Variants in CTNNA1 observed in about 807,000 individuals in gnomAD.
The protein encoded by CTNNA1 is catenin alpha-1.
Under a neutral mutation model 98.4 loss-of-function variants are expected in CTNNA1, and 37 were observed. That is an observed-to-expected ratio of 0.38 (90% CI 0.29 to 0.49). The LOEUF (loss-of-function observed/expected upper bound fraction) is 0.49. Among genes scored for constraint, CTNNA1 ranks in the 20% least tolerant of loss-of-function variants. CTNNA1 has a pLI of 0.95. For synonymous variants in CTNNA1, 404 were observed against 413.2 expected (o/e 0.98, Z 0.27); for missense variants, 761 against 1,147.2 (o/e 0.66, Z 4.86).
At chr5:138,840,042 GCT>G (rs1762142598) in intron 7 of CTNNA1, among the ~76,000 whole-genome samples, 1 of 152,194 alleles carries the variant, frequency 6.6e-6, no homozygotes, top group African/African-American at 2.4e-5. Context: ...GTCATTAATA[GCT>G]GCCCCTCTAA....
At chr5:138,778,381 T>A (rs1754655909) in intron 1 of CTNNA1, among the ~76,000 whole-genome samples, 1 of 152,202 alleles carries the variant, frequency 6.6e-6, no homozygotes, top group East Asian at 1.9e-4. Flanking sequence ...TAGTTGAGGT[T>A]ATGTAATTTT....
At chr5:138,793,543 G>C (rs1254566506) in intron 3 of CTNNA1, among the ~76,000 whole-genome samples, 2 of 152,222 alleles carry the variant, frequency 1.3e-5, no homozygotes. Flanking sequence ...ATGAGTTACA[G>C]TGGGTAATAT....
At chr5:138,916,212 A>G (rs1236348421) in intron 10 of CTNNA1, among the ~76,000 whole-genome samples, 2 of 147,588 alleles carry the variant, frequency 1.4e-5, no homozygotes, top group African/African-American at 2.6e-5. Flanking sequence ...AGGAGAGTTA[A>G]TGGGAAATGG....
chr5:138,855,155 C>T (rs1302321711), intron 7 of CTNNA1, among the ~76,000 whole-genome samples: 1 of 152,232 alleles, frequency 6.6e-6, no homozygotes, highest in African/African-American at 2.4e-5. Flanking sequence ...TCTTCTGCCT[C>T]AGCCTCCCGA....
At position 138,892,589 on chromosome 5, in the gene CTNNA1, G is replaced by A. The variant is rs1015755941; in HGVS notation, c.1296+4947G>A. 5.3e-5 allele frequency among the ~76,000 whole-genome samples: 8 copies of A among 151,594 alleles called. No homozygotes were observed. The South Asian group carries it at 6.3e-4, about 12-fold the overall frequency. On this transcript the variant is annotated intron_variant, in intron 9 of 17. Coordinates refer to ENST00000302763, the MANE Select transcript of CTNNA1 (RefSeq NM_001903.5). ...CCAATCTTGATCAAGTGATTCGCCC[G>A]CCTCGGCCTCCCAGAGTGCTGGGAT...
chr5:138,910,105 C>A (rs1409786921), intron 10 of CTNNA1, among the ~76,000 whole-genome samples: 1 of 152,202 alleles, frequency 6.6e-6, no homozygotes, highest in East Asian at 1.9e-4. Context: ...GTGCCTCCCA[C>A]CCCTCCTTGA....
intron 1 of CTNNA1, among the ~76,000 whole-genome samples, chr5:138,774,478 G>A (rs1267591476): frequency 6.6e-6 from 1 of 152,188 alleles, no homozygotes; most frequent in African/African-American, 2.4e-5. Context: ...ATGTGGTAAA[G>A]ATTGCCTGGA....
intron 10 of CTNNA1, among the ~76,000 whole-genome samples, chr5:138,916,005 C>T (rs1418853655): frequency 6.6e-6 from 1 of 152,032 alleles, no homozygotes; most frequent in African/African-American, 2.4e-5. Flanking sequence ...GCTGAGATCG[C>T]GCCACTGCTC....
chr5:138,929,436 C>T (rs371883517), intron 14 of CTNNA1, 80 bp downstream of exon 14: 1 of 734,590 alleles, frequency 1.4e-6, no homozygotes, highest in African/African-American at 1.7e-5. Flanking sequence ...GGAAAACACC[C>T]TCAGTATTCA....
Position 138,877,818 on chromosome 5 carries a change from A to G in CTNNA1, c.1063-8394A>G, listed in dbSNP as rs563421583. Among the ~76,000 whole-genome samples, 3 of 152,298 alleles carry G rather than the reference A, an allele frequency of 2.0e-5. No homozygotes were observed. The East Asian group carries it at 5.8e-4, about 29-fold the overall frequency. Reference sequence around the variant, plus strand: ...TATTGAAGTCAGCTACCCTCTGATGAAAAAAACCCTTTGCCACGCAGGAGA... The same window carrying G: ...TATTGAAGTCAGCTACCCTCTGATGGAAAAAACCCTTTGCCACGCAGGAGA... On this transcript the variant is annotated intron_variant, in intron 7 of 17. Coordinates refer to ENST00000302763, the MANE Select transcript of CTNNA1 (RefSeq NM_001903.5).
chr5:138,898,462 C>G (rs1561685166), intron 9 of CTNNA1, among the ~76,000 whole-genome samples: 1 of 152,080 alleles, frequency 6.6e-6, no homozygotes, highest in Non-Finnish European at 1.5e-5. Context: ...AAATTATTCA[C>G]ACACTTAGGT....
chr5:138,849,168 AT>A (rs1332863720), intron 7 of CTNNA1, among the ~76,000 whole-genome samples: 3 of 152,074 alleles, frequency 2.0e-5, no homozygotes, highest in Non-Finnish European at 2.9e-5. Context: ...TTTTGGCTTT[AT>A]TTGGTGATTG....
Position 138,873,279 on chromosome 5 carries a change from T to C in CTNNA1, c.1063-12933T>C. The C allele has an allele frequency of 6.2e-7, 1 of 1,613,974 alleles. No homozygotes were observed. Among genetic ancestry groups the C allele is most frequent in the Non-Finnish European group, 8.5e-7 (1 of 1,179,868 alleles). On this transcript the variant is annotated intron_variant, in intron 7 of 17. Coordinates refer to ENST00000302763, the MANE Select transcript of CTNNA1 (RefSeq NM_001903.5). The surrounding 1 kb of genome is among the most constrained non-coding windows in gnomAD (Gnocchi z 6.1). ...AAAAAGAAAGAAAACAATAAAGCCA[T>C]TGTTCCCGTAATTACCCGCTGAGTG... is the stretch of plus-strand genomic sequence containing the variant.
At chr5:138,875,138 T>G in intron 7 of CTNNA1, 1 of 476,656 alleles carries the variant, frequency 2.1e-6, no homozygotes, top group Non-Finnish European at 3.7e-6. Flanking sequence ...CCTAAATCAG[T>G]TTTGAATATA....
At chr5:138,905,567 C>T (rs891259179) in intron 10 of CTNNA1, among the ~76,000 whole-genome samples, 1 of 152,184 alleles carries the variant, frequency 6.6e-6, no homozygotes, top group Non-Finnish European at 1.5e-5. Flanking sequence ...CTTAATTTGG[C>T]CAGCTTCTGA....
At chr5:138,775,447 G>A in intron 1 of CTNNA1, among the ~76,000 whole-genome samples, 1 of 152,100 alleles carries the variant, frequency 6.6e-6, no homozygotes, top group Non-Finnish European at 1.5e-5. Context: ...AGATGACTGG[G>A]ACACAGGCAT....
chr5:138,775,714 C>CTTTTTTT (rs750615535), intron 1 of CTNNA1, among the ~76,000 whole-genome samples: 144 of 82,512 alleles, frequency 1.7e-3, no homozygotes, highest in East Asian at 2.7e-3. Context: ...GGAAATATTT[C>CTTTTTTT]TTTTTTTTTT....
At chr5:138,770,255 G>T (rs1753391480) in intron 1 of CTNNA1, among the ~76,000 whole-genome samples, 1 of 152,166 alleles carries the variant, frequency 6.6e-6, no homozygotes. Flanking sequence ...CCAGGTGCTT[G>T]TTTCACATTC....
chr5:138,851,066 G>T (rs1157075708), intron 7 of CTNNA1, among the ~76,000 whole-genome samples: 1 of 152,158 alleles, frequency 6.6e-6, no homozygotes, highest in African/African-American at 2.4e-5. Context: ...GTGCCAGCTG[G>T]CATCAGTATA....
Sources: allele counts gnomAD v4.1 joint callset (sites outside exome capture counted in the v4.1 genomes callset), GRCh38; gene constraint gnomAD v4.1.1; non-coding constraint Gnocchi (gnomAD v3.1); transcripts MANE v1.5; gene names NCBI Gene and HGNC (gene_info 2026-07-23, HGNC 2026-07-21).